The following POLR3G variants were observed in gnomAD, a reference collection of about 807,000 sequenced individuals.
POLR3G encodes the protein RNA polymerase III subunit G.
Under a neutral mutation model 30.1 loss-of-function variants are expected in POLR3G, and 28 were observed. That is an observed-to-expected ratio of 0.93 (90% CI 0.69 to 1.27). The LOEUF (loss-of-function observed/expected upper bound fraction) is 1.27. POLR3G is among the 50% of genes most tolerant of loss of function. The pLI is 0.00. For synonymous variants in POLR3G, 79 were observed against 82.5 expected, an observed-to-expected ratio of 0.96 and a Z score of 0.23; for missense variants, 254 against 264.6, an observed-to-expected ratio of 0.96 and a Z score of 0.28.
intron 1 of POLR3G, among the ~76,000 whole-genome samples, chr5:90,475,224 C>T (rs1048121396): frequency 1.3e-5 from 2 of 152,150 alleles, no homozygotes; most frequent in African/African-American, 4.8e-5. Context: ...CCAGATCTTA[C>T]CTAGTCTCTA....
At chr5:90,474,420 G>C, upstream of POLR3G, 1 of 837,318 alleles carries the variant, frequency 1.2e-6, no homozygotes, top group Non-Finnish European at 1.9e-6. Flanking sequence ...GTAGAGCGAG[G>C]CGGGGGCGTG....
At chr5:90,488,901 C>G (rs1751583379) in intron 3 of POLR3G, among the ~76,000 whole-genome samples, 1 of 152,138 alleles carries the variant, frequency 6.6e-6, no homozygotes, top group East Asian at 1.9e-4. Context: ...GGAAAGGAAA[C>G]CATTCCTGAG....
chr5:90,482,412 C>A (rs1003759445), intron 1 of POLR3G, among the ~76,000 whole-genome samples: 2 of 152,138 alleles, frequency 1.3e-5, no homozygotes, highest in Non-Finnish European at 2.9e-5. Context: ...TTTAAGCTGT[C>A]CTTGTTCATT....
At chr5:90,486,005 T>C (rs1405792289) in intron 2 of POLR3G, among the ~76,000 whole-genome samples, 1 of 152,212 alleles carries the variant, frequency 6.6e-6, no homozygotes, top group Non-Finnish European at 1.5e-5. Flanking sequence ...TTAGGTTTTA[T>C]AATGGTTCTC....
intron 3 of POLR3G, among the ~76,000 whole-genome samples, chr5:90,494,441 T>C (rs1435907985): frequency 1.3e-5 from 2 of 152,256 alleles, no homozygotes; most frequent in East Asian, 1.9e-4. Flanking sequence ...ATGGTAACTC[T>C]GTATTTCACA....
At chr5:90,504,865 A>G (rs904979239) in intron 6 of POLR3G, among the ~76,000 whole-genome samples, 12 of 152,202 alleles carry the variant, frequency 7.9e-5, no homozygotes, top group African/African-American at 2.9e-4. Flanking sequence ...TTCCAAAGGG[A>G]TTGCCAGTTG....
chr5:90,484,156 C>T (rs1302301674), intron 1 of POLR3G, among the ~76,000 whole-genome samples: 3 of 152,192 alleles, frequency 2.0e-5, no homozygotes, highest in African/African-American at 7.2e-5. Flanking sequence ...ATTCACAGAA[C>T]TTAGCATACA....
Position 90,497,863 on chromosome 5 carries a change from C to T in POLR3G, c.355+157C>T, listed in dbSNP as rs529981698. On this transcript the variant is annotated intron_variant, in intron 5 of 7. Transcript: ENST00000651687. ...TCTCATGCCTGTAATCTCAGCATTTCGGGAGGCTGAGGTGGGAGGATCACT... is the reference window on the plus strand; with the variant it reads ...TCTCATGCCTGTAATCTCAGCATTTTGGGAGGCTGAGGTGGGAGGATCACT... 7.7e-5 allele frequency: 69 copies of T among 893,478 alleles called. 1 individual carries two copies. In the South Asian group the frequency reaches 8.8e-4, roughly 11 times the overall value. 55.3% of individuals were successfully genotyped at this position (893,478 alleles called of 1,614,324 possible). A position where few individuals can be genotyped will look rare whatever the true frequency, so the allele number is the denominator to read the frequency against.
At position 90,494,465 on chromosome 5, in the gene POLR3G, CCAAA is replaced by C. The variant is rs559023074; in HGVS notation, c.248-1209_248-1206del. On this transcript the variant is annotated intron_variant, in intron 3 of 7. Coordinates refer to ENST00000651687, the MANE Select transcript of POLR3G (RefSeq NM_006467.3). ...CTGTATTTCACATTTTGAGGAACTG[CCAAA>C]CAGTTTTCTAAAGTGGCCACCCGAT... Among the ~76,000 whole-genome samples, 66 of 152,222 alleles carry C rather than the reference CCAAA, an allele frequency of 4.3e-4. 1 individual carries two copies. In the East Asian group the frequency reaches 0.011, roughly 26 times the overall value.
At position 90,497,548 on chromosome 5, in the gene POLR3G, AC is replaced by A. The variant is rs1256700998; in HGVS notation, c.305-107del. The A allele has an allele frequency of 5.4e-6, 7 of 1,303,014 alleles. No homozygotes were observed. In the African/African-American group the frequency reaches 1.1e-4, roughly 20 times the overall value. 80.7% of individuals were successfully genotyped at this position (1,303,014 alleles called of 1,614,324 possible). ...AATTTGTAAAGTCAGATACTAAGGCACTTTATTGTCATTTTCTGGACAACTG... is the reference window on the plus strand; with the variant it reads ...AATTTGTAAAGTCAGATACTAAGGCATTTATTGTCATTTTCTGGACAACTG... On this transcript the variant is annotated intron_variant, in intron 4 of 7. Transcript: ENST00000651687.
chr5:90,498,260 GTGTA>G (rs1234589380), intron 5 of POLR3G, among the ~76,000 whole-genome samples: 1 of 151,850 alleles, frequency 6.6e-6, no homozygotes, highest in Admixed American at 6.6e-5. Context: ...CCTTTTCTTT[GTGTA>G]TGTCTTATTT....
intron 1 of POLR3G, 84 bp from the exon 2 acceptor site, chr5:90,485,441 A>T: frequency 2.9e-6 from 2 of 684,398 alleles, no homozygotes; most frequent in Non-Finnish European, 5.2e-6. Flanking sequence ...CAACTGTGCT[A>T]CTTAAGGGGT....
chr5:90,484,039 A>G (rs1425199208), intron 1 of POLR3G, among the ~76,000 whole-genome samples: 1 of 152,156 alleles, frequency 6.6e-6, no homozygotes, highest in African/African-American at 2.4e-5. Flanking sequence ...AGTTCTACCA[A>G]TACTCTTAAC....
At chr5:90,503,637 C>G (rs753792853) in intron 6 of POLR3G, among the ~76,000 whole-genome samples, 18 of 152,198 alleles carry the variant, frequency 1.2e-4, no homozygotes, top group Admixed American at 3.9e-4. Flanking sequence ...AAATTTAAAT[C>G]TAGAAATACC....
intron 1 of POLR3G, among the ~76,000 whole-genome samples, chr5:90,481,943 A>G (rs2151899996): frequency 6.6e-6 from 1 of 152,350 alleles, no homozygotes; most frequent in East Asian, 1.9e-4. Flanking sequence ...TAGTTAAAGT[A>G]CAATAGTCAT....
intron 4 of POLR3G, among the ~76,000 whole-genome samples, chr5:90,496,262 C>G (rs1433068437): frequency 1.3e-5 from 2 of 152,184 alleles, no homozygotes; most frequent in East Asian, 3.9e-4. Context: ...GCCAACACCC[C>G]CCACCCTTAA....
At chr5:90,495,617 G>C in intron 3 of POLR3G, 60 bp from the exon 4 acceptor site, 3 of 1,569,768 alleles carry the variant, frequency 1.9e-6, no homozygotes, top group Non-Finnish European at 2.6e-6. Context: ...TAAAGGAATG[G>C]CTTAAGTTCA....
In POLR3G at chr5:90,512,796, G is replaced by T. The variant is rs1376617804; in HGVS notation, c.*657G>T. On this transcript the variant is annotated 3_prime_UTR_variant, in exon 8 of 8. Coordinates refer to ENST00000651687, the MANE Select transcript of POLR3G (RefSeq NM_006467.3). ...ACATGGGGTGAATATTATAATACTTGAATTTGAGACTTAATACTGTATATG... is the reference window on the plus strand; with the variant it reads ...ACATGGGGTGAATATTATAATACTTTAATTTGAGACTTAATACTGTATATG... The T allele has an allele frequency of 3.3e-5, 5 of 152,296 alleles. No homozygotes were observed. Among genetic ancestry groups the T allele is most frequent in the Admixed American group, 1.3e-4 (2 of 15,266 alleles). 9.4% of individuals were successfully genotyped at this position (152,296 alleles called of 1,614,324 possible). A position where few individuals can be genotyped will look rare whatever the true frequency, so the allele number is the denominator to read the frequency against.
intron 6 of POLR3G, among the ~76,000 whole-genome samples, chr5:90,504,493 T>C (rs1313265489): frequency 2.0e-5 from 3 of 150,790 alleles, no homozygotes; most frequent in Non-Finnish European, 4.4e-5. Flanking sequence ...ACCTGGGAGG[T>C]GGAGCTTGCA....
Sources: allele counts gnomAD v4.1 joint callset (sites outside exome capture counted in the v4.1 genomes callset), GRCh38; gene constraint gnomAD v4.1.1; transcripts MANE v1.5; gene names NCBI Gene and HGNC (gene_info 2026-07-23, HGNC 2026-07-21).